Variants in ZBTB7C observed in about 807,000 individuals in gnomAD.
ZBTB7C encodes the protein zinc finger and BTB domain-containing protein 7C.
A neutral mutation model predicts 25.7 loss-of-function variants in ZBTB7C; 8 were observed. The observed-to-expected ratio is 0.31, with a 90% CI of 0.18 to 0.56. The LOEUF is 0.56. Ranked by LOEUF, ZBTB7C falls within the 20% of genes least tolerant of loss-of-function variation. ZBTB7C has a pLI of 0.91. For missense variants in ZBTB7C, 824 were observed against 855.2 expected (o/e 0.96, Z 0.46); for synonymous variants, 394 against 369.0 (o/e 1.07, Z -0.78).
intron 2 of ZBTB7C, among the ~76,000 whole-genome samples, chr18:48,270,133 T>C (rs2044431005): frequency 6.6e-6 from 1 of 151,872 alleles, no homozygotes; most frequent in African/African-American, 2.4e-5. Context: ...CTCAAGGAGT[T>C]AGCAAAACAA....
At chr18:48,036,936 C>T (rs1000310402) in intron 4 of ZBTB7C, among the ~76,000 whole-genome samples, 3 of 152,188 alleles carry the variant, frequency 2.0e-5, no homozygotes, top group African/African-American at 7.2e-5. Flanking sequence ...GAAAAGAATC[C>T]TTGCCGGGCA....
intron 2 of ZBTB7C, among the ~76,000 whole-genome samples, chr18:48,213,426 C>G (rs2042747999): frequency 6.6e-6 from 1 of 151,848 alleles, no homozygotes; most frequent in African/African-American, 2.4e-5. Context: ...CCTGCACTTG[C>G]ATTGAGTGGG....
At chr18:48,278,005 G>A (rs1055321400) in intron 2 of ZBTB7C, among the ~76,000 whole-genome samples, 3 of 152,074 alleles carry the variant, frequency 2.0e-5, no homozygotes. Flanking sequence ...TGGAGGTGAC[G>A]GATTATTTCC....
chr18:48,147,058 C>T (rs2040516329), intron 3 of ZBTB7C, among the ~76,000 whole-genome samples: 2 of 152,218 alleles, frequency 1.3e-5, no homozygotes, highest in South Asian at 4.2e-4. Context: ...GATGGAGTTG[C>T]TTCAGTAATT....
intron 3 of ZBTB7C, among the ~76,000 whole-genome samples, chr18:48,064,339 T>A (rs951735280): frequency 2.0e-5 from 3 of 152,222 alleles, no homozygotes; most frequent in Non-Finnish European, 2.9e-5. Context: ...GCTAGTCCTA[T>A]AGTAGTACTT....
Position 48,119,356 on chromosome 18 carries a change from C to T in ZBTB7C, c.-17+66578G>A, listed in dbSNP as rs965669724. The stretch of plus-strand genomic sequence containing the variant: ...AGCCAGAACATCAAGCCAGTGCAGG[C>T]GCAACCCCAGCGCAGGCGCAAGCCC... On this transcript the variant is annotated intron_variant, in intron 3 of 4. Transcript: ENST00000590800. Among the ~76,000 whole-genome samples the T allele has an allele frequency of 5.3e-5, 8 of 149,728 alleles. No individual in the cohort carries two copies. The East Asian group carries it at 1.3e-3, about 25-fold the overall frequency.
intron 2 of ZBTB7C, among the ~76,000 whole-genome samples, chr18:48,254,908 A>G (rs956150738): frequency 3.9e-4 from 60 of 152,286 alleles, no homozygotes; most frequent in African/African-American, 1.3e-3. Context: ...TGATGCTCAC[A>G]TGGATCAGGA....
At chr18:48,207,623 AAAATATAT>A (rs536718214) in intron 2 of ZBTB7C, among the ~76,000 whole-genome samples, 14,215 of 143,888 alleles carry the variant, frequency 0.099, 897 homozygotes, top group Non-Finnish European at 0.15. Context: ...CTATCCATCT[AAAATATAT>A]TCTATAGAGA....
chr18:48,336,229 C>T (rs1049366923), intron 2 of ZBTB7C, among the ~76,000 whole-genome samples: 1 of 152,170 alleles, frequency 6.6e-6, no homozygotes, highest in Admixed American at 6.5e-5. Flanking sequence ...ATTCTGATAA[C>T]CAGTTTTCAA....
At chr18:48,215,156 G>T (rs2042792539) in intron 2 of ZBTB7C, among the ~76,000 whole-genome samples, 1 of 152,174 alleles carries the variant, frequency 6.6e-6, no homozygotes, top group African/African-American at 2.4e-5. Context: ...TGGAATCGTG[G>T]TCATCCTCAT....
intron 2 of ZBTB7C, among the ~76,000 whole-genome samples, chr18:48,242,592 T>C (rs1190049572): frequency 1.3e-5 from 2 of 152,088 alleles, no homozygotes. Flanking sequence ...GAATCAAAAA[T>C]GAAAATTGCA....
intron 3 of ZBTB7C, chr18:48,162,223 C>T: frequency 2.6e-6 from 1 of 383,500 alleles, no homozygotes; most frequent in East Asian, 7.5e-5. Context: ...CCCCAGCCTC[C>T]TTCCCTGCAG....
intron 4 of ZBTB7C, among the ~76,000 whole-genome samples, chr18:48,034,519 CCCT>C (rs1377970647): frequency 6.6e-6 from 1 of 152,110 alleles, no homozygotes; most frequent in Non-Finnish European, 1.5e-5. Context: ...TTCCTCCCAG[CCCT>C]CCTCCTCCCA....
intron 3 of ZBTB7C, among the ~76,000 whole-genome samples, chr18:48,136,228 C>T (rs1290896435): frequency 1.3e-5 from 2 of 152,160 alleles, no homozygotes; most frequent in African/African-American, 2.4e-5. Flanking sequence ...GGAGTGGGGA[C>T]GCACGGGGTC....
At chr18:48,297,131 A>T (rs894404697) in intron 2 of ZBTB7C, among the ~76,000 whole-genome samples, 2 of 152,200 alleles carry the variant, frequency 1.3e-5, no homozygotes, top group Admixed American at 1.3e-4. Flanking sequence ...CACGCAGCAC[A>T]TATGCCCGCA....
chr18:48,405,386 T>C (rs2048257103), intron 1 of ZBTB7C, among the ~76,000 whole-genome samples: 1 of 152,146 alleles, frequency 6.6e-6, no homozygotes, highest in African/African-American at 2.4e-5. Context: ...CACATCTAAT[T>C]TGCCACTTTC....
chr18:48,384,319 T>C (rs1442552664), intron 1 of ZBTB7C, among the ~76,000 whole-genome samples: 1 of 152,230 alleles, frequency 6.6e-6, no homozygotes, highest in Non-Finnish European at 1.5e-5. Flanking sequence ...CTATCCGCAC[T>C]CATACCTAGG....
At chr18:48,141,111 A>C (rs2040329209) in intron 3 of ZBTB7C, among the ~76,000 whole-genome samples, 2 of 147,892 alleles carry the variant, frequency 1.4e-5, no homozygotes, top group African/African-American at 2.5e-5. Flanking sequence ...CCTGCACCCC[A>C]TACTGCAATC....
intron 3 of ZBTB7C, among the ~76,000 whole-genome samples, chr18:48,174,987 C>G (rs1599032268): frequency 1.3e-5 from 2 of 152,152 alleles, no homozygotes; most frequent in East Asian, 3.8e-4. Flanking sequence ...TCCAACTATA[C>G]CTTTCTGTAT....
Sources: allele counts gnomAD v4.1 joint callset (sites outside exome capture counted in the v4.1 genomes callset), GRCh38; gene constraint gnomAD v4.1.1; transcripts MANE v1.5; gene names NCBI Gene and HGNC (gene_info 2026-07-23, HGNC 2026-07-21).